Variants in DGKB observed in about 807,000 individuals in gnomAD.
DGKB encodes 90 kDa diacylglycerol kinase.
DGKB carries 67 observed loss-of-function variants against 114.3 expected under a neutral mutation model. The ratio of observed to expected loss-of-function variants is 0.59; its 90% CI spans 0.48 to 0.72. DGKB has a LOEUF of 0.72. Among genes scored for constraint, DGKB ranks in the 30% least tolerant of loss-of-function variants. The pLI, the probability that DGKB is intolerant of heterozygous loss-of-function variation, is 0.00. For missense variants in DGKB, 907 were observed against 975.2 expected, an observed-to-expected ratio of 0.93 and a Z score of 0.93; for synonymous variants, 398 against 323.1, an observed-to-expected ratio of 1.23 and a Z score of -2.49.
rs182584067 is a variant in DGKB at position 14,662,127 on chromosome 7, G to A, written c.1134+10802C>T. On this transcript the variant is annotated intron_variant, in intron 13 of 25. Transcript: ENST00000402815. ...GCTAGATGACGAGTTAGTGGGTGCAGCGCACCAGCATGGCACATGTATACA... is the reference window on the plus strand; with the variant it reads ...GCTAGATGACGAGTTAGTGGGTGCAACGCACCAGCATGGCACATGTATACA... Among the ~76,000 whole-genome samples the A allele has an allele frequency of 1.5e-3, 230 of 152,022 alleles. 1 individual carries two copies. Among genetic ancestry groups the A allele is most frequent in the African/African-American group, 5.2e-3 (217 of 41,446 alleles).
In DGKB at chr7:14,697,836, G is replaced by A. The variant is rs547503361; in HGVS notation, c.591+259C>T. 6.3e-4 allele frequency among the ~76,000 whole-genome samples: 91 copies of A among 144,420 alleles called. 1 individual carries two copies. The highest frequency in any genetic ancestry group is 2.0e-3 in the Admixed American group (29 of 14,350). 94.7% of individuals were successfully genotyped at this position (144,420 alleles called of 152,430 possible). ...AGAAAGGAAAGGAGAGAGAGAGAAG[G>A]AAGGAAGGGAGAGAGAGAAGGAAGG... On this transcript the variant is annotated intron_variant, in intron 8 of 25. Transcript: ENST00000402815.
At chr7:14,520,347 G>A (rs932152196) in intron 20 of DGKB, among the ~76,000 whole-genome samples, 3 of 149,640 alleles carry the variant, frequency 2.0e-5, no homozygotes, top group African/African-American at 4.9e-5. Context: ...GTGTTCTAAT[G>A]TTTATTATTT....
At chr7:14,656,824 T>G (rs907976590) in intron 13 of DGKB, among the ~76,000 whole-genome samples, 4 of 151,458 alleles carry the variant, frequency 2.6e-5, no homozygotes, top group African/African-American at 9.7e-5. Context: ...AAAATCCCTT[T>G]AAGTATACAA....
At chr7:14,658,434 G>T (rs1341736425) in intron 13 of DGKB, among the ~76,000 whole-genome samples, 4 of 151,880 alleles carry the variant, frequency 2.6e-5, no homozygotes, top group Non-Finnish European at 5.9e-5. Context: ...TGTTTGTGGA[G>T]TAGGGGGATA....
chr7:14,326,429 A>G (rs1055216496), intron 23 of DGKB, among the ~76,000 whole-genome samples: 5 of 152,156 alleles, frequency 3.3e-5, no homozygotes, highest in African/African-American at 7.2e-5. Flanking sequence ...GTTCTGGTGC[A>G]TGAGTCAGGT....
chr7:14,706,733 A>G (rs1284230980), intron 6 of DGKB, among the ~76,000 whole-genome samples: 16 of 92,066 alleles, frequency 1.7e-4, no homozygotes, highest in African/African-American at 5.1e-4. Context: ...ACATAACGAA[A>G]TGAAGGCAGA....
At chr7:14,420,454 C>G (rs1007917630) in intron 21 of DGKB, among the ~76,000 whole-genome samples, 18 of 151,870 alleles carry the variant, frequency 1.2e-4, no homozygotes, top group Non-Finnish European at 2.1e-4. Context: ...AAATATCTAC[C>G]TTATTACAAA....
intron 10 of DGKB, among the ~76,000 whole-genome samples, chr7:14,683,058 T>A (rs537567338): frequency 3.1e-4 from 47 of 152,226 alleles, no homozygotes; most frequent in South Asian, 1.0e-3. Flanking sequence ...AAACCAAGGC[T>A]CCTCTATCAT....
At chr7:14,950,842 C>A (rs1446142221) in intron 1 of DGKB, among the ~76,000 whole-genome samples, 1 of 142,460 alleles carries the variant, frequency 7.0e-6, no homozygotes, top group Non-Finnish European at 1.5e-5. Flanking sequence ...CAAATATCCT[C>A]AACTAGATAC....
intron 1 of DGKB, among the ~76,000 whole-genome samples, chr7:14,847,603 C>T (rs559478756): frequency 7.7e-4 from 117 of 152,282 alleles, no homozygotes; most frequent in Non-Finnish European, 1.4e-3. Flanking sequence ...AGATATGATA[C>T]GTGAGCTATT....
chr7:14,372,901 C>G (rs1463292200), intron 21 of DGKB, among the ~76,000 whole-genome samples: 1 of 152,090 alleles, frequency 6.6e-6, no homozygotes, highest in Non-Finnish European at 1.5e-5. Context: ...ATTATTGAAT[C>G]AATGCAATCT....
chr7:14,952,768 AAAAAT>A (rs1020615065), intron 1 of DGKB, among the ~76,000 whole-genome samples: 1 of 152,082 alleles, frequency 6.6e-6, no homozygotes, highest in African/African-American at 2.4e-5. Flanking sequence ...CAAAATCAAC[AAAAAT>A]AAAATAAAAT....
chr7:14,674,823 G>T (rs1393430987), intron 12 of DGKB, among the ~76,000 whole-genome samples: 4 of 152,096 alleles, frequency 2.6e-5, no homozygotes, highest in African/African-American at 9.6e-5. Context: ...AAGCAGAAAA[G>T]GATTCTTCCA....
At chr7:14,244,790 A>C (rs1794228890) in intron 23 of DGKB, among the ~76,000 whole-genome samples, 1 of 151,106 alleles carries the variant, frequency 6.6e-6, no homozygotes, top group Non-Finnish European at 1.5e-5. Context: ...CTCACATGTG[A>C]GGGCACAGAG....
chr7:14,778,575 A>G (rs1458318742), intron 2 of DGKB, among the ~76,000 whole-genome samples: 1 of 152,130 alleles, frequency 6.6e-6, no homozygotes, highest in Admixed American at 6.6e-5. Flanking sequence ...CAGTTGCTTG[A>G]TTTTTTAGAA....
At chr7:14,570,693 A>T (rs960883664) in intron 20 of DGKB, among the ~76,000 whole-genome samples, 3 of 152,126 alleles carry the variant, frequency 2.0e-5, no homozygotes, top group African/African-American at 7.2e-5. Flanking sequence ...CTTTATCTTC[A>T]TCATCTTCAG....
At chr7:14,839,340 T>C (rs539886307) in intron 2 of DGKB, among the ~76,000 whole-genome samples, 141 of 152,044 alleles carry the variant, frequency 9.3e-4, no homozygotes, top group African/African-American at 3.2e-3. Flanking sequence ...AAGTATTGAG[T>C]ATAAGACTGC....
chr7:14,434,493 G>A (rs772783336), intron 21 of DGKB, among the ~76,000 whole-genome samples: 2 of 152,062 alleles, frequency 1.3e-5, no homozygotes, highest in African/African-American at 2.4e-5. Flanking sequence ...GTTCAGCCTG[G>A]CGTTGCTGGC....
At position 14,149,163 on chromosome 7, in the gene DGKB, C is replaced by T. The variant is rs78008037; in HGVS notation, c.2380G>A (p.Val794Ile). 6.1e-4 allele frequency: 988 copies of T among 1,613,284 alleles called. 16 individuals carry two copies. The East Asian group carries it at 0.02, about 33-fold the overall frequency. Residue 794 changes from valine (V) to isoleucine (I), a missense_variant, in exon 26 of 26, where the codon GTC becomes ATC. Physicochemically the swap from Val to Ile is conservative, Grantham distance 29. Transcript: ENST00000402815. ...PPKTGLFCSL[V>I]KRTRNRSKE ...TTGCTTCGGTTTCTTGTCCTTTTGA[C>T]GAGGGAGCAGAATAAACCGGTTTTT...
Sources: gnomAD v4.1 joint callset for allele counts (sites outside exome capture counted in the v4.1 genomes callset) on GRCh38, gnomAD v4.1.1 for gene constraint, MANE v1.5 for transcripts, NCBI Gene and HGNC (gene_info 2026-07-23, HGNC 2026-07-21) for gene names.